The following MYCBP2 variants were observed in gnomAD, a reference collection of about 807,000 sequenced individuals.
MYCBP2 encodes the protein MYC binding protein 2.
MYCBP2 carries 120 observed loss-of-function variants against 525.3 expected under a neutral mutation model. That is an observed-to-expected ratio of 0.23 (90% CI 0.20 to 0.27). MYCBP2 has a LOEUF of 0.27. Among genes scored for constraint, MYCBP2 ranks in the 10% least tolerant of loss-of-function variants. The probability of loss-of-function intolerance (pLI) is 1.00; values close to 1 mark genes in which losing one functional copy is unlikely to be tolerated. For synonymous variants in MYCBP2, 1,894 were observed against 1,955.8 expected (o/e 0.97, Z 0.83); for missense variants, 4,149 against 5,657.1 (o/e 0.73, Z 8.55).
chr13:77,291,754 C>T (rs1278086663), intron 2 of MYCBP2, among the ~76,000 whole-genome samples: 1 of 149,142 alleles, frequency 6.7e-6, no homozygotes, highest in South Asian at 2.1e-4. Flanking sequence ...GGAACAAGAG[C>T]GAAACTCTGT....
intron 55 of MYCBP2, chr13:77,118,632 T>C (rs973342340): frequency 4.6e-5 from 26 of 570,386 alleles, no homozygotes; most frequent in Admixed American, 6.0e-5. Context: ...TGAGTGAAAA[T>C]TGGTGACTGT....
Position 77,098,805 on chromosome 13 carries a change from G to C in MYCBP2, c.8349C>G (p.Ser2783=). 6.2e-7 allele frequency: 1 copy of C among 1,613,532 alleles called. No homozygotes were observed. ...KSDAAKLRSD[S]HSRSLSPNHN... Reference sequence around the variant, plus strand: ...GGTTGGGGGATAATGACCTACTGTGGGAATCTGACCTCAACTTTGCAGCAT... The same window carrying C: ...GGTTGGGGGATAATGACCTACTGTGCGAATCTGACCTCAACTTTGCAGCAT... Residue 2783 remains serine (S), a synonymous_variant, in exon 56 of 83, where the codon TCC becomes TCG. Transcript: ENST00000544440.
Position 77,169,608 on chromosome 13 carries a change from A to G in MYCBP2, c.5895+6T>C. The G allele has an allele frequency of 1.2e-6, 2 of 1,601,716 alleles. No individual in the cohort carries two copies. Among genetic ancestry groups the G allele is most frequent in the Non-Finnish European group, 1.7e-6 (2 of 1,169,402 alleles). ...ACATTCAAAGTTATAGAATTAAATT[A>G]CACACCTTGGGAATAGCAGCAGCTA... is the stretch of plus-strand genomic sequence containing the variant. On this transcript the variant is annotated splice_donor_region_variant and intron_variant, in intron 39 of 82. Coordinates refer to ENST00000544440, the MANE Select transcript of MYCBP2 (RefSeq NM_015057.5).
chr13:77,317,862 G>A (rs950169648), intron 1 of MYCBP2, among the ~76,000 whole-genome samples: 5 of 152,052 alleles, frequency 3.3e-5, no homozygotes, highest in East Asian at 1.9e-4. Flanking sequence ...GCTTGAACCC[G>A]GGAGGCGGAG....
At chr13:77,227,481 TACACACACACACACAC>T (rs71704593) in intron 18 of MYCBP2, among the ~76,000 whole-genome samples, 3 of 145,282 alleles carry the variant, frequency 2.1e-5, no homozygotes, top group South Asian at 2.3e-4. Flanking sequence ...CACACACACA[TACACACACACACACAC>T]ACACACACAC....
At chr13:77,171,170 G>A (rs527425113) in intron 38 of MYCBP2, among the ~76,000 whole-genome samples, 2 of 152,036 alleles carry the variant, frequency 1.3e-5, no homozygotes, top group Admixed American at 6.5e-5. Context: ...ATACATTACT[G>A]GAAAAAGAAC....
intron 55 of MYCBP2, among the ~76,000 whole-genome samples, chr13:77,106,915 A>C (rs2047942907): frequency 6.6e-6 from 1 of 152,178 alleles, no homozygotes; most frequent in Non-Finnish European, 1.5e-5. Flanking sequence ...TGCAATCTTA[A>C]CTAAGATATT....
At position 77,087,956 on chromosome 13, in the gene MYCBP2, C is replaced by CT. The variant is rs113139974; in HGVS notation, c.10726-324dup. ...CCACCACACCCAGCTGATTTTAAAACTTTTTTTTTGTAGAAATGAGGTCTC... is the reference window on the plus strand; with the variant it reads ...CCACCACACCCAGCTGATTTTAAAACTTTTTTTTTTGTAGAAATGAGGTCTC... On this transcript the variant is annotated intron_variant, in intron 61 of 82. Coordinates refer to ENST00000544440, the MANE Select transcript of MYCBP2 (RefSeq NM_015057.5). Among the ~76,000 whole-genome samples the CT allele has an allele frequency of 2.1e-3, 314 of 150,992 alleles. 2 individuals carry two copies. Among genetic ancestry groups the CT allele is most frequent in the African/African-American group, 5.6e-3 (229 of 41,182 alleles).
At chr13:77,133,383 T>C (rs1341694409) in intron 52 of MYCBP2, among the ~76,000 whole-genome samples, 1 of 152,184 alleles carries the variant, frequency 6.6e-6, no homozygotes, top group Non-Finnish European at 1.5e-5. Flanking sequence ...GAACTAAAAT[T>C]AAGCATCCAC....
At chr13:77,249,400 T>C (rs1358645846) in intron 15 of MYCBP2, among the ~76,000 whole-genome samples, 4 of 152,228 alleles carry the variant, frequency 2.6e-5, no homozygotes, top group African/African-American at 9.6e-5. Flanking sequence ...TTGGTTAGTA[T>C]TGTCCATGTA....
intron 8 of MYCBP2, among the ~76,000 whole-genome samples, chr13:77,266,774 T>C (rs1205469799): frequency 7.3e-6 from 1 of 136,832 alleles, no homozygotes; most frequent in Admixed American, 7.2e-5. Context: ...AAAAACCCTG[T>C]AGACATATCT....
In MYCBP2 at chr13:77,188,939, A is replaced by G; in HGVS notation, c.4251+12T>C. 1 of 1,577,714 alleles carries G rather than the reference A, an allele frequency of 6.3e-7. No homozygotes were observed. Among genetic ancestry groups the G allele is most frequent in the Non-Finnish European group, 8.6e-7 (1 of 1,165,942 alleles). On this transcript the variant is annotated intron_variant, in intron 30 of 82. Transcript: ENST00000544440. ...GAAGAGAAAAGCTGAAATTTTTTAA[A>G]ACATGGCTTACCACTGAGACAGTTC...
intron 2 of MYCBP2, among the ~76,000 whole-genome samples, chr13:77,291,192 G>C (rs183483027): frequency 6.6e-6 from 1 of 152,110 alleles, no homozygotes; most frequent in East Asian, 1.9e-4. Flanking sequence ...AATTCAATAA[G>C]AAGAAGACAA....
intron 18 of MYCBP2, among the ~76,000 whole-genome samples, chr13:77,228,691 T>TTGTGTGTGTG (rs34441629): frequency 9.5e-5 from 14 of 147,186 alleles, no homozygotes; most frequent in African/African-American, 3.3e-4. Context: ...GATGAATATG[T>TTGTGTGTGTG]TGTGTGTGTG....
chr13:77,072,164 G>A (rs960643232), intron 68 of MYCBP2, among the ~76,000 whole-genome samples: 6 of 151,798 alleles, frequency 4.0e-5, no homozygotes, highest in East Asian at 1.9e-4. Context: ...GGTGGCGGGC[G>A]CCTGTACTCC....
At chr13:77,301,422 CAAAAAAA>C (rs11338423) in intron 1 of MYCBP2, among the ~76,000 whole-genome samples, 3 of 40,510 alleles carry the variant, frequency 7.4e-5, no homozygotes, top group African/African-American at 2.7e-4. Context: ...GACTCCATCT[CAAAAAAA>C]AAAAAAAAAA....
chr13:77,055,865 TAACC>T, intron 79 of MYCBP2, 98 bp from the exon 80 acceptor site: 1 of 769,172 alleles, frequency 1.3e-6, no homozygotes, highest in South Asian at 1.7e-5. Context: ...TGCTAGAAGA[TAACC>T]AGACAGCACA....
chr13:77,060,270 T>C (rs1352786938), intron 76 of MYCBP2, among the ~76,000 whole-genome samples: 1 of 152,258 alleles, frequency 6.6e-6, no homozygotes, highest in Non-Finnish European at 1.5e-5. Context: ...ATATATTGAA[T>C]TCAGCAATAT....
chr13:77,189,620 C>T (rs191606484), intron 29 of MYCBP2, among the ~76,000 whole-genome samples: 123 of 152,164 alleles, frequency 8.1e-4, no homozygotes, highest in African/African-American at 2.9e-3. Context: ...TTTTCAGTAA[C>T]GGTTTATATC....
Sources: allele counts gnomAD v4.1 joint callset (sites outside exome capture counted in the v4.1 genomes callset), GRCh38; gene constraint gnomAD v4.1.1; transcripts MANE v1.5; gene names NCBI Gene and HGNC (gene_info 2026-07-23, HGNC 2026-07-21).